GPC5: variants seen among roughly 807,000 people sequenced by gnomAD.
GPC5 encodes the protein glypican 5, also known as glypican-5.
In GPC5, 47 loss-of-function variants were observed where a neutral mutation model predicts 53.9. The ratio of observed to expected loss-of-function variants is 0.87; its 90% confidence interval spans 0.69 to 1.11. The LOEUF (loss-of-function observed/expected upper bound fraction) is 1.11. Among genes scored for constraint, GPC5 ranks in the 50% most tolerant of loss-of-function variants. GPC5 has a pLI of 0.00. For missense variants in GPC5, 748 were observed against 713.1 expected, an observed-to-expected ratio of 1.05 and a Z score of -0.56; for synonymous variants, 286 against 263.3, an observed-to-expected ratio of 1.09 and a Z score of -0.84.
chr13:91,762,916 T>G (rs1001891431), intron 5 of GPC5, among the ~76,000 whole-genome samples: 1 of 152,196 alleles, frequency 6.6e-6, no homozygotes, highest in African/African-American at 2.4e-5. Flanking sequence ...AACCCCTAAA[T>G]GCACTGTGAC....
rs965555645 is a variant in GPC5, at chr13:91,795,793, C to T, written c.1280+39373C>T. ...GCTGCAACCCATTCCATGAGCATTCCGGGCTTTCTCTACCTGCTTGACTGG... is the reference window on the plus strand; with the variant it reads ...GCTGCAACCCATTCCATGAGCATTCTGGGCTTTCTCTACCTGCTTGACTGG... On this transcript the variant is annotated intron_variant, in intron 5 of 7. Transcript: ENST00000377067. Among the ~76,000 whole-genome samples the T allele has an allele frequency of 3.3e-5, 5 of 152,062 alleles. 1 individual carries two copies. Among genetic ancestry groups the T allele is most frequent in the Non-Finnish European group, 7.4e-5 (5 of 68,016 alleles).
At chr13:92,434,744 C>T (rs893361734) in intron 7 of GPC5, among the ~76,000 whole-genome samples, 9 of 152,148 alleles carry the variant, frequency 5.9e-5, no homozygotes, top group South Asian at 4.1e-4. Context: ...AAACTATCTC[C>T]CAGAGGTATT....
chr13:91,705,293 C>T (rs1208636431), intron 3 of GPC5, among the ~76,000 whole-genome samples: 1 of 152,228 alleles, frequency 6.6e-6, no homozygotes, highest in East Asian at 1.9e-4. Context: ...TAGCACCTAT[C>T]TTTTGAGACA....
intron 2 of GPC5, among the ~76,000 whole-genome samples, chr13:91,507,677 C>T (rs1219880705): frequency 6.6e-6 from 1 of 152,174 alleles, no homozygotes; most frequent in Non-Finnish European, 1.5e-5. Context: ...ATCACAGCCA[C>T]ACTCTCATGA....
chr13:92,474,360 T>C (rs557738616), intron 7 of GPC5, among the ~76,000 whole-genome samples: 1 of 152,164 alleles, frequency 6.6e-6, no homozygotes, highest in African/African-American at 2.4e-5. Flanking sequence ...AGTTTCTAAC[T>C]GGGAAGACTT....
intron 6 of GPC5, among the ~76,000 whole-genome samples, chr13:92,076,369 C>A (rs1203812718): frequency 6.6e-6 from 1 of 152,108 alleles, no homozygotes; most frequent in African/African-American, 2.4e-5. Context: ...CCGCGCCTGG[C>A]GAAAGTATAA....
At chr13:92,062,136 T>C (rs966848187) in intron 6 of GPC5, among the ~76,000 whole-genome samples, 1 of 151,902 alleles carries the variant, frequency 6.6e-6, no homozygotes, top group South Asian at 2.1e-4. Context: ...AAGGAACCAC[T>C]ATTAATTTTG....
chr13:91,807,991 A>T (rs1364090875), intron 5 of GPC5, among the ~76,000 whole-genome samples: 1 of 152,142 alleles, frequency 6.6e-6, no homozygotes, highest in Non-Finnish European at 1.5e-5. Context: ...TGTTGAATGT[A>T]TTTGGCATAG....
chr13:91,539,643 G>A (rs2029867056), intron 2 of GPC5, among the ~76,000 whole-genome samples: 1 of 152,138 alleles, frequency 6.6e-6, no homozygotes, highest in South Asian at 2.1e-4. Context: ...CTGAGCTAAT[G>A]TGTCAGCTGA....
chr13:92,635,708 C>T (rs940498707), intron 7 of GPC5, among the ~76,000 whole-genome samples: 1 of 152,190 alleles, frequency 6.6e-6, no homozygotes, highest in African/African-American at 2.4e-5. Flanking sequence ...CAACAGATCT[C>T]GGGCAGAAGG....
At chr13:92,730,058 A>G (rs535459035) in intron 7 of GPC5, among the ~76,000 whole-genome samples, 2 of 151,574 alleles carry the variant, frequency 1.3e-5, no homozygotes, top group South Asian at 4.1e-4. Flanking sequence ...TTTCTGACTC[A>G]TAGTATAAAG....
chr13:92,040,676 C>A (rs1423711276), intron 6 of GPC5, among the ~76,000 whole-genome samples: 1 of 152,150 alleles, frequency 6.6e-6, no homozygotes, highest in Non-Finnish European at 1.5e-5. Flanking sequence ...GCTACAACTG[C>A]CATTACTCCT....
intron 7 of GPC5, among the ~76,000 whole-genome samples, chr13:92,431,543 C>G (rs920530460): frequency 6.6e-6 from 1 of 151,840 alleles, no homozygotes; most frequent in African/African-American, 2.4e-5. Context: ...ATATGAAAAA[C>G]ATTGATATAA....
chr13:92,026,685 A>C (rs2040803543), intron 6 of GPC5, among the ~76,000 whole-genome samples: 1 of 152,114 alleles, frequency 6.6e-6, no homozygotes, highest in Non-Finnish European at 1.5e-5. Context: ...TATGTTGTTA[A>C]AAAAGTCTTT....
At chr13:91,580,791 T>C (rs889255776) in intron 2 of GPC5, among the ~76,000 whole-genome samples, 1 of 152,240 alleles carries the variant, frequency 6.6e-6, no homozygotes, top group Non-Finnish European at 1.5e-5. Context: ...TGGTTCTATA[T>C]TATTTTGCCC....
chr13:92,009,362 T>A (rs1401230171), intron 6 of GPC5, among the ~76,000 whole-genome samples: 1 of 151,954 alleles, frequency 6.6e-6, no homozygotes, highest in Admixed American at 6.6e-5. Flanking sequence ...TCAGAGCTTA[T>A]TTTTAAGCTT....
chr13:92,384,599 G>A (rs1264711784), intron 7 of GPC5, among the ~76,000 whole-genome samples: 1 of 152,020 alleles, frequency 6.6e-6, no homozygotes, highest in Non-Finnish European at 1.5e-5. Flanking sequence ...AAATCCCGCC[G>A]AGTGATCTTA....
intron 3 of GPC5, among the ~76,000 whole-genome samples, chr13:91,702,280 T>C (rs2036009449): frequency 6.6e-6 from 1 of 152,110 alleles, no homozygotes; most frequent in African/African-American, 2.4e-5. Context: ...TGGATATGCA[T>C]AGCATTTTAG....
chr13:91,457,717 T>C (rs1161931736), intron 2 of GPC5, among the ~76,000 whole-genome samples: 2 of 152,138 alleles, frequency 1.3e-5, no homozygotes, highest in African/African-American at 4.8e-5. Flanking sequence ...GTAAAACTTG[T>C]ATCTATGATG....
Sources: allele counts gnomAD v4.1 joint callset (sites outside exome capture counted in the v4.1 genomes callset), GRCh38; gene constraint gnomAD v4.1.1; transcripts MANE v1.5; gene names NCBI Gene and HGNC (gene_info 2026-07-23, HGNC 2026-07-21).